ST6GALNAC3: variants seen among roughly 807,000 people sequenced by gnomAD.
ST6GALNAC3 encodes alpha-N-acetylgalactosaminide alpha-2,6-sialyltransferase 3.
Under a neutral mutation model 32.7 loss-of-function variants are expected in ST6GALNAC3, and 25 were observed. The ratio of observed to expected loss-of-function variants is 0.76; its 90% CI spans 0.56 to 1.07. ST6GALNAC3 has a LOEUF of 1.07. Among genes scored for constraint, ST6GALNAC3 ranks in the 50% least tolerant of loss-of-function variants. The probability of loss-of-function intolerance (pLI) is 0.00; values close to 1 mark genes in which losing one functional copy is unlikely to be tolerated. For missense variants in ST6GALNAC3, 355 were observed against 382.4 expected, an observed-to-expected ratio of 0.93 and a Z score of 0.60; for synonymous variants, 129 against 133.1, an observed-to-expected ratio of 0.97 and a Z score of 0.21.
chr1:76,092,230 T>C (rs1647056820), intron 1 of ST6GALNAC3, among the ~76,000 whole-genome samples: 1 of 152,216 alleles, frequency 6.6e-6, no homozygotes, highest in Non-Finnish European at 1.5e-5. Context: ...TTTCTCTGAT[T>C]AGAGAGATAC....
At chr1:76,092,956 C>A (rs1232160098) in intron 1 of ST6GALNAC3, among the ~76,000 whole-genome samples, 1 of 152,166 alleles carries the variant, frequency 6.6e-6, no homozygotes, top group Non-Finnish European at 1.5e-5. Flanking sequence ...TCTTGTTTTT[C>A]TCTGGACGTG....
intron 3 of ST6GALNAC3, among the ~76,000 whole-genome samples, chr1:76,564,499 T>G (rs1193456591): frequency 2.6e-5 from 4 of 151,974 alleles, no homozygotes; most frequent in Middle Eastern, 3.4e-3. Context: ...AAATTAGTGG[T>G]GGATTCACTG....
intron 1 of ST6GALNAC3, among the ~76,000 whole-genome samples, chr1:76,170,992 GA>G (rs1652456442): frequency 6.6e-6 from 1 of 152,010 alleles, no homozygotes; most frequent in African/African-American, 2.4e-5. Context: ...AAATATTTTG[GA>G]AAAATATAAG....
At chr1:76,353,416 C>CT (rs892577166) in intron 2 of ST6GALNAC3, among the ~76,000 whole-genome samples, 28 of 149,350 alleles carry the variant, frequency 1.9e-4, no homozygotes, top group Middle Eastern at 3.5e-3. Context: ...CCCTGCCCAA[C>CT]TTTTTTTTTT....
rs184142360 is a variant in ST6GALNAC3 at position 76,554,361 on chromosome 1, C to A, written c.624-73091C>A. Among the ~76,000 whole-genome samples, 66 of 152,222 alleles carry A rather than the reference C, an allele frequency of 4.3e-4. No homozygotes were observed. The Middle Eastern group carries it at 0.01, about 24-fold the overall frequency. The stretch of plus-strand genomic sequence containing the variant: ...TCCAGATATACATCTTACCTAAAAA[C>A]TTCTGCTATGGGGAGGGGAGAAACC... On this transcript the variant is annotated intron_variant, in intron 3 of 4. Transcript: ENST00000328299.
At chr1:76,256,021 C>CACACACAT (rs1173408821) in intron 1 of ST6GALNAC3, among the ~76,000 whole-genome samples, 1 of 151,616 alleles carries the variant, frequency 6.6e-6, no homozygotes, top group Non-Finnish European at 1.5e-5. Flanking sequence ...TGGTAACACA[C>CACACACAT]ACACACACAC....
chr1:76,230,462 T>C lies in ST6GALNAC3; in HGVS notation c.19-83343T>C, dbSNP rs1366793228. On this transcript the variant is annotated intron_variant, in intron 1 of 4. Coordinates refer to ENST00000328299, the MANE Select transcript of ST6GALNAC3 (RefSeq NM_152996.4). ...ATTATTTTCAAATTATCTTTTATTT[T>C]ATTAGCTGAGTTTTTAGGGTCCTAT... is the stretch of plus-strand genomic sequence containing the variant. 2.6e-5 allele frequency among the ~76,000 whole-genome samples: 4 copies of C among 152,208 alleles called. No homozygotes were observed. In the East Asian group the frequency reaches 7.7e-4, roughly 29 times the overall value.
intron 4 of ST6GALNAC3, among the ~76,000 whole-genome samples, chr1:76,628,047 A>G (rs1649084766): frequency 6.6e-6 from 1 of 151,974 alleles, no homozygotes. Context: ...CTTATTTAAA[A>G]TGAGTGTGTT....
chr1:76,462,735 G>A (rs1658365388), intron 3 of ST6GALNAC3, among the ~76,000 whole-genome samples: 1 of 151,968 alleles, frequency 6.6e-6, no homozygotes, highest in African/African-American at 2.4e-5. Flanking sequence ...TGTTTAAGAT[G>A]GATAGATAGA....
chr1:76,578,715 A>G (rs1483122531), intron 3 of ST6GALNAC3, among the ~76,000 whole-genome samples: 1 of 151,782 alleles, frequency 6.6e-6, no homozygotes, highest in Non-Finnish European at 1.5e-5. Flanking sequence ...ATTCACATGG[A>G]CTCGTTTTAC....
At chr1:76,387,834 A>G (rs921448971) in intron 2 of ST6GALNAC3, among the ~76,000 whole-genome samples, 4 of 152,136 alleles carry the variant, frequency 2.6e-5, no homozygotes, top group African/African-American at 9.7e-5. Flanking sequence ...TGCTACTATT[A>G]CTTGTATTTG....
chr1:76,122,712 G>A (rs1002317317), intron 1 of ST6GALNAC3, among the ~76,000 whole-genome samples: 4 of 152,192 alleles, frequency 2.6e-5, no homozygotes, highest in African/African-American at 9.7e-5. Context: ...GCTTGAGAAT[G>A]TTCACTGGAC....
At position 76,626,369 on chromosome 1, in the gene ST6GALNAC3, C is replaced by T. The variant is rs116380739; in HGVS notation, c.624-1083C>T. On this transcript the variant is annotated intron_variant, in intron 3 of 4. Transcript: ENST00000328299. ...CAAATTGGGGTGCTCCAAATGCCCC[C>T]GTGGAGAGTTTTAAGGAGATGGACA... is the stretch of plus-strand genomic sequence containing the variant. 7.0e-3 allele frequency among the ~76,000 whole-genome samples: 1,071 copies of T among 151,978 alleles called. 15 individuals are homozygous for T. The highest frequency in any genetic ancestry group is 0.025 in the African/African-American group (1,031 of 41,496).
In ST6GALNAC3 at chr1:76,412,245, A is replaced by C. The variant is rs1654300246; in HGVS notation, c.451A>C (p.Ile151Leu). 2.5e-6 allele frequency: 4 copies of C among 1,613,636 alleles called. No individual in the cohort carries two copies. Among genetic ancestry groups the C allele is most frequent in the Admixed American group, 3.3e-5 (2 of 59,920 alleles). Reference protein sequence around the residue: ...DYFFKEANTTIYVIWGPFRNM... With the variant: ...DYFFKEANTTLYVIWGPFRNM... The stretch of plus-strand genomic sequence containing the variant: ...TTTTTTCAAGGAAGCGAATACTACT[A>C]TTTATGTTATTTGGGGACCTTTCCG... The change falls in exon 3 of 5, where the codon ATT becomes CTT. Residue 151 changes from isoleucine to leucine, a missense_variant. Physicochemically the swap from Ile to Leu is conservative, Grantham distance 5. Transcript: ENST00000328299.
At chr1:76,614,737 A>C (rs1485904512) in intron 3 of ST6GALNAC3, among the ~76,000 whole-genome samples, 1 of 150,352 alleles carries the variant, frequency 6.7e-6, no homozygotes, top group Admixed American at 6.6e-5. Context: ...AAAAAAAAAA[A>C]AAAAAAAAAA....
intron 3 of ST6GALNAC3, among the ~76,000 whole-genome samples, chr1:76,574,959 C>T (rs1380424667): frequency 1.3e-5 from 2 of 152,070 alleles, no homozygotes; most frequent in Non-Finnish European, 2.9e-5. Flanking sequence ...TTGACCTAAG[C>T]TCTGTCTTCC....
At chr1:76,512,447 C>G (rs894192460) in intron 3 of ST6GALNAC3, among the ~76,000 whole-genome samples, 18 of 151,894 alleles carry the variant, frequency 1.2e-4, no homozygotes, top group Non-Finnish European at 2.6e-4. Context: ...ACTTCTAAAA[C>G]TTTTTTATTG....
rs935339647 is a variant in ST6GALNAC3, at chr1:76,274,829, C to T, written c.19-38976C>T. Among the ~76,000 whole-genome samples the T allele has an allele frequency of 3.3e-5, 5 of 152,274 alleles. No homozygotes were observed. In the South Asian group the frequency reaches 6.2e-4, roughly 19 times the overall value. On this transcript the variant is annotated intron_variant, in intron 1 of 4. Coordinates refer to ENST00000328299, the MANE Select transcript of ST6GALNAC3 (RefSeq NM_152996.4). ...AGTTACTGGTAAAACCTTTCACCAA[C>T]AGTTTGTTACTGTGACAGCAGAAGC...
At chr1:76,392,469 G>A (rs1652640999) in intron 2 of ST6GALNAC3, among the ~76,000 whole-genome samples, 1 of 152,194 alleles carries the variant, frequency 6.6e-6, no homozygotes, top group African/African-American at 2.4e-5. Flanking sequence ...TATTATGTCA[G>A]ATGAAAAGTG....
Sources: allele counts gnomAD v4.1 joint callset (sites outside exome capture counted in the v4.1 genomes callset), GRCh38; gene constraint gnomAD v4.1.1; transcripts MANE v1.5; gene names NCBI Gene and HGNC (gene_info 2026-07-23, HGNC 2026-07-21).